Variants in GLG1 observed in about 807,000 individuals in gnomAD.
The protein encoded by GLG1 is golgi glycoprotein 1.
A neutral mutation model predicts 160.5 loss-of-function variants in GLG1; 38 were observed. The observed-to-expected ratio is 0.24, with a 90% CI of 0.18 to 0.31. GLG1 has a LOEUF of 0.31. GLG1 is among the 10% of genes least tolerant of loss of function. GLG1 has a pLI of 1.00. For missense variants in GLG1, 1,373 were observed against 1,505.2 expected (o/e 0.91, Z 1.45); for synonymous variants, 644 against 543.4 (o/e 1.19, Z -2.57).
intron 3 of GLG1, among the ~76,000 whole-genome samples, chr16:74,506,607 C>CAAAAAAAAAAAAAAG (rs1567489940): frequency 7.9e-6 from 1 of 126,728 alleles, no homozygotes; most frequent in Non-Finnish European, 1.6e-5. Flanking sequence ...AAAAAAAACT[C>CAAAAAAAAAAAAAAG]AAGAGAAACC....
chr16:74,469,291 A>G (rs2015113215), intron 16 of GLG1: 2 of 569,222 alleles, frequency 3.5e-6, no homozygotes, highest in Non-Finnish European at 6.3e-6. Flanking sequence ...TCCTGACAGA[A>G]GGGGAAGCCA....
chr16:74,537,237 T>C (rs1287015625), intron 1 of GLG1, among the ~76,000 whole-genome samples: 1 of 152,060 alleles, frequency 6.6e-6, no homozygotes, highest in Non-Finnish European at 1.5e-5. Flanking sequence ...GAGAAGGAAC[T>C]TGGGTAATGC....
chr16:74,603,408 CAAA>C (rs66587758), intron 1 of GLG1, among the ~76,000 whole-genome samples: 26 of 128,902 alleles, frequency 2.0e-4, no homozygotes, highest in Non-Finnish European at 1.8e-4. Flanking sequence ...GACTCCGTCT[CAAA>C]AAAAAAAAAA....
intron 19 of GLG1, 51 bp from the exon 20 acceptor site, chr16:74,463,530 T>C: frequency 6.3e-7 from 1 of 1,582,386 alleles, no homozygotes; most frequent in Non-Finnish European, 8.6e-7. Flanking sequence ...GGCGATTAAC[T>C]CCATCTGCGA....
intron 1 of GLG1, among the ~76,000 whole-genome samples, chr16:74,598,000 G>A (rs576262285): frequency 4.7e-4 from 71 of 152,144 alleles, no homozygotes; most frequent in Admixed American, 4.3e-3. Flanking sequence ...TGGGCGTCAA[G>A]AGCAAGACTC....
rs1290658046 is a variant in GLG1, at chr16:74,451,382, G to A, written c.*1785C>T. 6 of 152,136 alleles carry A rather than the reference G, an allele frequency of 3.9e-5. No individual in the cohort carries two copies. Among genetic ancestry groups the A allele is most frequent in the Admixed American group, 3.9e-4 (6 of 15,290 alleles). 9.4% of individuals were successfully genotyped at this position (152,136 alleles called of 1,614,324 possible). ...TCTGGAACCCACTGCCTCCAGGAAG[G>A]GCAGCAAATAGAAAAAAAAGAAAGA... On this transcript the variant is annotated 3_prime_UTR_variant, in exon 26 of 26. Transcript: ENST00000422840.
At chr16:74,487,642 G>C (rs2015840094) in intron 8 of GLG1, among the ~76,000 whole-genome samples, 1 of 151,968 alleles carries the variant, frequency 6.6e-6, no homozygotes, top group Non-Finnish European at 1.5e-5. Flanking sequence ...TGTTGACAAA[G>C]ACCAAAGCAT....
At chr16:74,584,504 G>A (rs1291798801) in intron 1 of GLG1, among the ~76,000 whole-genome samples, 4 of 152,084 alleles carry the variant, frequency 2.6e-5, no homozygotes, top group African/African-American at 9.7e-5. Flanking sequence ...TTTCACTTTA[G>A]AAACCTATCC....
chr16:74,596,966 C>G (rs1410662902), intron 1 of GLG1, among the ~76,000 whole-genome samples: 1 of 151,912 alleles, frequency 6.6e-6, no homozygotes, highest in African/African-American at 2.4e-5. Flanking sequence ...AAAAAAACAA[C>G]TTTTAAAATT....
chr16:74,558,910 C>G (rs10468356), intron 1 of GLG1, among the ~76,000 whole-genome samples: 83,191 of 151,948 alleles, frequency 0.55, 23,659 homozygotes, highest in East Asian at 0.8. Flanking sequence ...TTCTTAGAGA[C>G]GGGGTCTCAC....
chr16:74,565,961 AT>A (rs1327818077), intron 1 of GLG1, among the ~76,000 whole-genome samples: 3 of 152,152 alleles, frequency 2.0e-5, no homozygotes, highest in African/African-American at 7.2e-5. Context: ...CCTTGTTCTG[AT>A]GATCTTGACT....
At chr16:74,535,526 G>C (rs183347620) in intron 1 of GLG1, among the ~76,000 whole-genome samples, 609 of 152,278 alleles carry the variant, frequency 4.0e-3, no homozygotes, top group Non-Finnish European at 7.0e-3. Context: ...TCCACCTCTT[G>C]GGCTTAACTG....
At chr16:74,534,069 A>G (rs1053789183) in intron 1 of GLG1, among the ~76,000 whole-genome samples, 1 of 152,168 alleles carries the variant, frequency 6.6e-6, no homozygotes, top group African/African-American at 2.4e-5. Flanking sequence ...ACTCATTTTT[A>G]TACTTACAAC....
chr16:74,531,249 A>C (rs1037390615), intron 2 of GLG1, among the ~76,000 whole-genome samples: 1 of 152,098 alleles, frequency 6.6e-6, no homozygotes, highest in African/African-American at 2.4e-5. Flanking sequence ...TCTACCTTCT[A>C]TAATGTGATA....
At chr16:74,500,923 A>G (rs1486109748) in intron 4 of GLG1, among the ~76,000 whole-genome samples, 1 of 152,208 alleles carries the variant, frequency 6.6e-6, no homozygotes, top group African/African-American at 2.4e-5. Context: ...TGAAAAAATC[A>G]TAGTTTTGAA....
intron 1 of GLG1, among the ~76,000 whole-genome samples, chr16:74,596,828 T>A (rs1958315033): frequency 6.6e-6 from 1 of 152,014 alleles, no homozygotes; most frequent in South Asian, 2.1e-4. Context: ...AATAATAGGA[T>A]GTAATAGGCT....
In GLG1 at chr16:74,450,207, C is replaced by A. The variant is rs1227133023; in HGVS notation, c.*2960G>T. On this transcript the variant is annotated 3_prime_UTR_variant, in exon 26 of 26. Transcript: ENST00000422840. The stretch of plus-strand genomic sequence containing the variant: ...TACTTCTATTACTGTTGGTGGGCTA[C>A]ACATCAGGAGAGTAGACACAGGCCA... The A allele has an allele frequency of 6.6e-6, 1 of 152,266 alleles. No homozygotes were observed. 9.4% of individuals were successfully genotyped at this position (152,266 alleles called of 1,614,324 possible). A position where few individuals can be genotyped will look rare whatever the true frequency, so the allele number is the denominator to read the frequency against.
chr16:74,591,718 T>G (rs1442186201), intron 1 of GLG1, among the ~76,000 whole-genome samples: 1 of 152,200 alleles, frequency 6.6e-6, no homozygotes, highest in Non-Finnish European at 1.5e-5. Context: ...TATCACAGAC[T>G]GTTTCACAGG....
chr16:74,569,875 GAA>G (rs1248515307), intron 1 of GLG1, among the ~76,000 whole-genome samples: 3 of 108,034 alleles, frequency 2.8e-5, no homozygotes, highest in Admixed American at 9.5e-5. Context: ...AAAAAAAAAA[GAA>G]AAAAAAAAAA....
Sources: gnomAD v4.1 joint callset for allele counts (sites outside exome capture counted in the v4.1 genomes callset) on GRCh38, gnomAD v4.1.1 for gene constraint, MANE v1.5 for transcripts, NCBI Gene and HGNC (gene_info 2026-07-23, HGNC 2026-07-21) for gene names.